The following PYHIN1 variants were observed in gnomAD, a reference collection of about 807,000 sequenced individuals.
PYHIN1 encodes pyrin and HIN domain family member 1, also known as pyrin and HIN domain-containing protein 1.
Under a neutral mutation model 43.7 loss-of-function variants are expected in PYHIN1, and 32 were observed. The observed-to-expected ratio is 0.73, with a 90% CI of 0.55 to 0.98. PYHIN1 has a LOEUF of 0.98. PYHIN1 is among the 50% of genes least tolerant of loss of function. PYHIN1 has a pLI of 0.00. For missense variants in PYHIN1, 588 were observed against 589.5 expected (o/e 1.00, Z 0.03); for synonymous variants, 205 against 203.1 (o/e 1.01, Z -0.08).
At chr1:158,965,866 G>A (rs1650602622) in intron 7 of PYHIN1, among the ~76,000 whole-genome samples, 1 of 151,772 alleles carries the variant, frequency 6.6e-6, no homozygotes, top group Non-Finnish European at 1.5e-5. Flanking sequence ...AAGCCAGCAG[G>A]AGAAAAGAAA....
Position 158,975,021 on chromosome 1 carries a change from T to C in PYHIN1, c.*5+1250T>C, listed in dbSNP as rs1371381002. ...CATTATGGTCTGTTTCTATAGCCGT[T>C]AGATTTATTTGACTGCATCTAAACC... On this transcript the variant is annotated intron_variant, in intron 8 of 8. Transcript: ENST00000368140. Among the ~76,000 whole-genome samples, 3 of 152,056 alleles carry C rather than the reference T, an allele frequency of 2.0e-5. No individual in the cohort carries two copies. In the East Asian group the frequency reaches 5.8e-4, roughly 29 times the overall value.
chr1:158,950,574 C>T (rs1301356504), intron 7 of PYHIN1, among the ~76,000 whole-genome samples: 3 of 152,162 alleles, frequency 2.0e-5, no homozygotes, highest in East Asian at 1.9e-4. Flanking sequence ...CGTACATTAC[C>T]GTTGACATCT....
intron 7 of PYHIN1, among the ~76,000 whole-genome samples, chr1:158,956,089 G>A (rs368654359): frequency 6.9e-6 from 1 of 144,860 alleles, no homozygotes; most frequent in East Asian, 2.0e-4. Flanking sequence ...AATAACAGGA[G>A]CTGAAATTGT....
intron 7 of PYHIN1, among the ~76,000 whole-genome samples, chr1:158,960,429 T>G (rs1234460674): frequency 6.6e-6 from 1 of 152,278 alleles, no homozygotes; most frequent in African/African-American, 2.4e-5. Flanking sequence ...CAGATTATTC[T>G]GCTGTACATG....
chr1:158,990,061 CTTCA>C, the PYHIN1 span, among the ~76,000 whole-genome samples: 1 of 149,444 alleles, frequency 6.7e-6, no homozygotes, highest in Admixed American at 6.6e-5. Flanking sequence ...CTCATCAATG[CTTCA>C]TGATGAATAG....
At chr1:158,971,853 A>C (rs1223594358) in intron 7 of PYHIN1, among the ~76,000 whole-genome samples, 1 of 152,008 alleles carries the variant, frequency 6.6e-6, no homozygotes, top group Non-Finnish European at 1.5e-5. Context: ...AATTTCAGTC[A>C]ATAAAACGAA....
At chr1:158,963,816 G>T (rs1650466351) in intron 7 of PYHIN1, among the ~76,000 whole-genome samples, 1 of 152,212 alleles carries the variant, frequency 6.6e-6, no homozygotes, top group East Asian at 1.9e-4. Context: ...TGGCAATTCA[G>T]AAAGCCAGAG....
chr1:158,970,727 A>ACG (rs1650886323), intron 7 of PYHIN1, among the ~76,000 whole-genome samples: 1 of 152,052 alleles, frequency 6.6e-6, no homozygotes, highest in Admixed American at 6.6e-5. Context: ...GAGCAAACAC[A>ACG]CAAACACTGC....
chr1:158,961,095 T>A (rs373362775), intron 7 of PYHIN1, among the ~76,000 whole-genome samples: 34 of 152,198 alleles, frequency 2.2e-4, no homozygotes, highest in African/African-American at 8.0e-4. Context: ...TTTCTGAGTA[T>A]TTACAGGGTA....
intron 4 of PYHIN1, chr1:158,939,728 G>C (rs947694786): frequency 1.8e-6 from 1 of 563,518 alleles, no homozygotes; most frequent in African/African-American, 1.9e-5. Context: ...CCCTGTAACA[G>C]GTTAAATCTT....
intron 7 of PYHIN1, among the ~76,000 whole-genome samples, chr1:158,948,192 T>A (rs528317296): frequency 1.7e-3 from 262 of 152,324 alleles, no homozygotes; most frequent in Admixed American, 3.5e-3. Context: ...CATAAGATAA[T>A]CATGAATATA....
chr1:158,988,805 C>T, the PYHIN1 span, among the ~76,000 whole-genome samples: 3 of 152,098 alleles, frequency 2.0e-5, no homozygotes, highest in Non-Finnish European at 4.4e-5. Flanking sequence ...AATTTGAATA[C>T]AAGCATTTGA....
intron 7 of PYHIN1, among the ~76,000 whole-genome samples, chr1:158,949,319 T>G (rs953600284): frequency 1.3e-5 from 2 of 152,234 alleles, no homozygotes; most frequent in African/African-American, 2.4e-5. Flanking sequence ...TATAGGCTTG[T>G]TCCCCATGAC....
At chr1:158,951,842 G>A (rs1185940779) in intron 7 of PYHIN1, among the ~76,000 whole-genome samples, 1 of 152,188 alleles carries the variant, frequency 6.6e-6, no homozygotes, top group Non-Finnish European at 1.5e-5. Context: ...TCCCTTTAGA[G>A]GTTACCGTTT....
chr1:158,990,024 G>A, the PYHIN1 span, among the ~76,000 whole-genome samples: 2,060 of 152,296 alleles, frequency 0.014, 180 homozygotes, highest in Admixed American at 0.12. Flanking sequence ...GCATAAATGT[G>A]TGAATGAGTG....
chr1:158,983,400 G>A, the PYHIN1 span, among the ~76,000 whole-genome samples: 3 of 152,060 alleles, frequency 2.0e-5, no homozygotes, highest in Admixed American at 6.6e-5. Flanking sequence ...AGATAATCAC[G>A]TGATTTTTGT....
intron 7 of PYHIN1, among the ~76,000 whole-genome samples, chr1:158,952,730 G>C (rs1399790536): frequency 1.3e-5 from 2 of 152,164 alleles, no homozygotes; most frequent in African/African-American, 4.8e-5. Context: ...TGTTGTTTAA[G>C]ATTTCTCCCA....
At chr1:158,965,887 CA>C (rs1321324089) in intron 7 of PYHIN1, among the ~76,000 whole-genome samples, 1 of 151,808 alleles carries the variant, frequency 6.6e-6, no homozygotes, top group African/African-American at 2.4e-5. Flanking sequence ...TAACCAATAT[CA>C]GAGCTAAACT....
At chr1:158,990,627 T>C in the PYHIN1 span, among the ~76,000 whole-genome samples, 1 of 152,190 alleles carries the variant, frequency 6.6e-6, no homozygotes, top group African/African-American at 2.4e-5. Flanking sequence ...ATTACTCCAA[T>C]CTAACTATAA....
Sources: allele counts gnomAD v4.1 joint callset (sites outside exome capture counted in the v4.1 genomes callset), GRCh38; gene constraint gnomAD v4.1.1; transcripts MANE v1.5; gene names NCBI Gene and HGNC (gene_info 2026-07-23, HGNC 2026-07-21).